ODAD2: variants seen among roughly 807,000 people sequenced by gnomAD.
ODAD2 encodes outer dynein arm-docking complex subunit 2.
A neutral mutation model predicts 106.8 loss-of-function variants in ODAD2; 89 were observed. That is an observed-to-expected ratio of 0.83 (90% CI 0.70 to 0.99). The LOEUF is 0.99. ODAD2 is among the 50% of genes least tolerant of loss of function. The pLI, the probability that ODAD2 is intolerant of heterozygous loss-of-function variation, is 0.00. For missense variants in ODAD2, 1,168 were observed against 1,238.5 expected (o/e 0.94, Z 0.85); for synonymous variants, 404 against 436.2 (o/e 0.93, Z 0.92).
At chr10:27,864,561 C>CGGGGAGTGAGGTGAGAGG (rs1840299543) in intron 17 of ODAD2, among the ~76,000 whole-genome samples, 1 of 118,564 alleles carries the variant, frequency 8.4e-6, no homozygotes. Context: ...GAGGTGAGAG[C>CGGGGAGTGAGGTGAGAGG]GGGGAGTGAG....
intron 18 of ODAD2, among the ~76,000 whole-genome samples, chr10:27,861,830 T>C (rs1471324533): frequency 1.3e-5 from 2 of 152,232 alleles, no homozygotes; most frequent in Non-Finnish European, 2.9e-5. Flanking sequence ...ATCTGACAGA[T>C]ATTCTTAGGA....
At chr10:27,987,154 A>G (rs1170895410) in intron 3 of ODAD2, among the ~76,000 whole-genome samples, 1 of 152,234 alleles carries the variant, frequency 6.6e-6, no homozygotes, top group Non-Finnish European at 1.5e-5. Flanking sequence ...GAAACTTACC[A>G]GTGGTAAGGT....
At position 27,885,509 on chromosome 10, in the gene ODAD2, CA is replaced by C. The variant is rs781326915; in HGVS notation, c.2610+22153del. 7.8e-3 allele frequency among the ~76,000 whole-genome samples: 154 copies of C among 19,834 alleles called. 12 individuals are homozygous for C. Among genetic ancestry groups the C allele is most frequent in the East Asian group, 0.033 (18 of 548 alleles). 13.0% of individuals were successfully genotyped at this position (19,834 alleles called of 152,430 possible). Reference sequence around the variant, plus strand: ...TGGGTGACAGAGTGAGACTCCATCTCAAAAAAAAAAAAAAAAAAAAAAAAAT... The same window carrying C: ...TGGGTGACAGAGTGAGACTCCATCTCAAAAAAAAAAAAAAAAAAAAAAAAT... On this transcript the variant is annotated intron_variant, in intron 17 of 19. Coordinates refer to ENST00000305242, the MANE Select transcript of ODAD2 (RefSeq NM_018076.5).
intron 17 of ODAD2, among the ~76,000 whole-genome samples, chr10:27,863,311 A>T (rs1840199445): frequency 1.3e-5 from 2 of 152,198 alleles, no homozygotes; most frequent in Non-Finnish European, 2.9e-5. Flanking sequence ...AACAAAAAGC[A>T]CAAAAATCCA....
intron 19 of ODAD2, among the ~76,000 whole-genome samples, chr10:27,819,704 C>A (rs1400460841): frequency 6.6e-6 from 1 of 151,246 alleles, no homozygotes; most frequent in African/African-American, 2.4e-5. Context: ...CTCTTCAAGG[C>A]TGCAGTGAGC....
Position 27,983,997 on chromosome 10 carries a change from G to C in ODAD2, c.683-18C>G, listed in dbSNP as rs376100600. The C allele has an allele frequency of 8.7e-5, 139 of 1,604,174 alleles. No individual in the cohort carries two copies. In the South Asian group the frequency reaches 1.1e-3, roughly 13 times the overall value. On this transcript the variant is annotated intron_variant, in intron 5 of 19. Transcript: ENST00000305242. ...TTCATAATCTGAAACCAATCATCAA[G>C]CAATTAACAGGAGTTCCTTAACCTA...
At chr10:27,884,852 T>C (rs532864433) in intron 17 of ODAD2, among the ~76,000 whole-genome samples, 168 of 151,980 alleles carry the variant, frequency 1.1e-3, no homozygotes, top group Non-Finnish European at 2.2e-3. Flanking sequence ...CAGGCTCAGG[T>C]AGGATGAATG....
intron 7 of ODAD2, among the ~76,000 whole-genome samples, chr10:27,975,619 A>G (rs1213747612): frequency 6.6e-6 from 1 of 152,198 alleles, no homozygotes; most frequent in African/African-American, 2.4e-5. Context: ...CATAGCTGTC[A>G]AATAAATTGA....
rs1451039386 is a variant in ODAD2 at position 27,882,233 on chromosome 10, G to GAAAGAAAGAAAGAAAGAAAGAAAT, written c.2611-19612_2611-19611insATTTCTTTCTTTCTTTCTTTCTTT. On this transcript the variant is annotated intron_variant, in intron 17 of 19. Transcript: ENST00000305242. ...AGAAAGAAAGAAAGAAAGAAAGAAAGAAATATGAACTCTCTGATCTCATTC... is the reference window on the plus strand; with the variant it reads ...AGAAAGAAAGAAAGAAAGAAAGAAAGAAAGAAAGAAAGAAAGAAAGAAATAAATATGAACTCTCTGATCTCATTC... Among the ~76,000 whole-genome samples, 4 of 145,362 alleles carry GAAAGAAAGAAAGAAAGAAAGAAAT rather than the reference G, an allele frequency of 2.8e-5. No individual in the cohort carries two copies. In the South Asian group the frequency reaches 6.6e-4, roughly 24 times the overall value.
intron 19 of ODAD2, among the ~76,000 whole-genome samples, chr10:27,819,875 A>G (rs1043984686): frequency 6.6e-6 from 1 of 151,502 alleles, no homozygotes; most frequent in Non-Finnish European, 1.5e-5. Flanking sequence ...TTCAAGTGCT[A>G]TTGGGTTGCT....
At chr10:27,991,254 C>T (rs1037671999) in intron 2 of ODAD2, among the ~76,000 whole-genome samples, 6 of 151,602 alleles carry the variant, frequency 4.0e-5, no homozygotes, top group African/African-American at 1.2e-4. Flanking sequence ...CTATTTGACC[C>T]CCAGCCCCCA....
intron 19 of ODAD2, among the ~76,000 whole-genome samples, chr10:27,816,942 G>A (rs1490471998): frequency 6.6e-6 from 1 of 152,096 alleles, no homozygotes; most frequent in Non-Finnish European, 1.5e-5. Flanking sequence ...TAGAGACGGG[G>A]TTTTGCCATG....
intron 19 of ODAD2, among the ~76,000 whole-genome samples, chr10:27,817,558 A>T (rs1836238406): frequency 6.6e-6 from 1 of 152,066 alleles, no homozygotes. Flanking sequence ...CCCCTTGTTT[A>T]GCTCTCACTA....
At position 27,940,577 on chromosome 10, in the gene ODAD2, C is replaced by T. The variant is rs587777199; in HGVS notation, c.1972G>A (p.Glu658Lys). The T allele has an allele frequency of 6.2e-7, 1 of 1,614,104 alleles. No homozygotes were observed. The highest frequency in any genetic ancestry group is 8.5e-7 in the Non-Finnish European group (1 of 1,179,982). ...GGCATGAGTACCTCTGATGCACACT[C>T]TTGCAATGTCCCCACCACTGGAATT... ...MLIPVVGTLQECASEENYRAA... is the reference protein window; with the variant it reads ...MLIPVVGTLQKCASEENYRAA... The change falls in exon 13 of 20, where the codon GAG (glutamate) becomes AAG (lysine). Residue 658 changes from glutamate (E) to lysine (K), a missense_variant. Coordinates refer to ENST00000305242, the MANE Select transcript of ODAD2 (RefSeq NM_018076.5).
intron 10 of ODAD2, among the ~76,000 whole-genome samples, chr10:27,947,426 C>T (rs1847012422): frequency 6.6e-6 from 1 of 152,062 alleles, no homozygotes; most frequent in South Asian, 2.1e-4. Flanking sequence ...GATCACACTA[C>T]CACTCTCCAG....
At chr10:27,819,680 T>C (rs1836447667) in intron 19 of ODAD2, among the ~76,000 whole-genome samples, 1 of 150,564 alleles carries the variant, frequency 6.6e-6, no homozygotes, top group African/African-American at 2.4e-5. Context: ...GACGGGAGGA[T>C]GGCTTGAGCC....
chr10:27,894,351 A>G (rs1044939075), intron 17 of ODAD2, among the ~76,000 whole-genome samples: 1 of 152,132 alleles, frequency 6.6e-6, no homozygotes, highest in Non-Finnish European at 1.5e-5. Context: ...CTCCACGGAT[A>G]TACATTTACA....
rs769379926 is a variant in ODAD2 at position 27,944,379 on chromosome 10, T to G, written c.1586A>C (p.Gln529Pro). The G allele has an allele frequency of 1.2e-6, 2 of 1,614,096 alleles. No homozygotes were observed. The highest frequency in any genetic ancestry group is 8.5e-7 in the Non-Finnish European group (1 of 1,179,972). Residue 529 changes from glutamine (Q) to proline (P), a missense_variant, in exon 12 of 20, where the codon CAG becomes CCG. By Grantham distance (76) the Gln-to-Pro change is moderately conservative. Around this residue, in one of 3 missense-constraint regions of ODAD2, gnomAD observed 701 missense variants for 712.3 expected, o/e 0.98. Transcript: ENST00000305242. The part of the protein sequence containing the change: ...KEISHNPQIR[Q>P]NIVDLGGLPI... ...TAAGCCCCCAAGGTCAACAATATTCTGTCTGATTTGAGGATTATGACTGAT... is the reference window on the plus strand; with the variant it reads ...TAAGCCCCCAAGGTCAACAATATTCGGTCTGATTTGAGGATTATGACTGAT...
intron 19 of ODAD2, among the ~76,000 whole-genome samples, chr10:27,839,671 T>C (rs1838168281): frequency 1.3e-5 from 2 of 152,168 alleles, no homozygotes; most frequent in African/African-American, 4.8e-5. Context: ...ACGCTGTGGT[T>C]TAAACATAAA....
Sources: gnomAD v4.1 joint callset for allele counts (sites outside exome capture counted in the v4.1 genomes callset) on GRCh38, gnomAD v4.1.1 for gene constraint, gnomAD v4.1.1 regional missense constraint, MANE v1.5 for transcripts, NCBI Gene and HGNC (gene_info 2026-07-23, HGNC 2026-07-21) for gene names.